TBL3: variants seen among roughly 807,000 people sequenced by gnomAD.
The protein encoded by TBL3 is transducin beta-like protein 3.
A neutral mutation model predicts 102.7 loss-of-function variants in TBL3; 71 were observed. That is an observed-to-expected ratio of 0.69 (90% CI 0.57 to 0.84). The LOEUF (loss-of-function observed/expected upper bound fraction) is 0.84, where lower values mean the gene tolerates loss of function less well. Among genes scored for constraint, TBL3 ranks in the 40% least tolerant of loss-of-function variants. TBL3 has a pLI of 0.00. For synonymous variants in TBL3, 578 were observed against 477.7 expected, an observed-to-expected ratio of 1.21 and a Z score of -2.74; for missense variants, 1,188 against 1,098.5, an observed-to-expected ratio of 1.08 and a Z score of -1.15.
intron 14 of TBL3, 38 bp downstream of exon 14, chr16:1,976,999 C>T: frequency 6.2e-7 from 1 of 1,612,746 alleles, no homozygotes; most frequent in Non-Finnish European, 8.5e-7. Flanking sequence ...TGTGGCCAAG[C>T]CCTTGCTGGG....
At position 1,981,234 on chromosome 16, in the gene TBL3, C is replaced by T. The variant is rs1374559339; in HGVS notation, c.*2549C>T. 9 of 1,609,990 alleles carry T rather than the reference C, an allele frequency of 5.6e-6. No homozygotes were observed. The East Asian group carries it at 1.3e-4, about 24-fold the overall frequency. The stretch of plus-strand genomic sequence containing the variant: ...AAATGGGCGAGGACCCTTCTGCCTC[C>T]CCGTGCTTGAGAGGGCTCTGGGGGA... On this transcript the variant is annotated 3_prime_UTR_variant, in exon 22 of 22. Transcript: ENST00000568546.
rs778269205 is a variant in TBL3 at position 1,975,072 on chromosome 16, C to T, written c.609C>T (p.Phe203=). 6.2e-7 allele frequency: 1 copy of T among 1,609,696 alleles called. No homozygotes were observed. Among genetic ancestry groups the T allele is most frequent in the Non-Finnish European group, 8.5e-7 (1 of 1,179,980 alleles). ...ACAGCGCCGTCACCTCACTGGCCTT[C>T]AGCGCCGACGGCCACACCATGCTCA... The part of the protein sequence containing the change: ...AHYSAVTSLA[F]SADGHTMLSS... The change falls in exon 7 of 22, where the codon TTC becomes TTT. Residue 203 remains phenylalanine (F), a synonymous_variant. Coordinates refer to ENST00000568546, the MANE Select transcript of TBL3 (RefSeq NM_006453.3).
chr16:1,979,053 C>T lies in TBL3; in HGVS notation c.*368C>T, dbSNP rs985841302. ...ATCCCCTCATCGGGATCCTCGCGCTCACTGCTCCGTCGTGGGGTGCGGCAC... is the reference window on the plus strand; with the variant it reads ...ATCCCCTCATCGGGATCCTCGCGCTTACTGCTCCGTCGTGGGGTGCGGCAC... On this transcript the variant is annotated 3_prime_UTR_variant, in exon 22 of 22. Coordinates refer to ENST00000568546, the MANE Select transcript of TBL3 (RefSeq NM_006453.3). 6.5e-6 allele frequency: 10 copies of T among 1,545,192 alleles called. No homozygotes were observed. The Admixed American group carries it at 7.8e-5, about 12-fold the overall frequency.
At position 1,981,078 on chromosome 16, in the gene TBL3, TCCCTTGGGG is replaced by T; in HGVS notation, c.*2396_*2404del. The T allele has an allele frequency of 6.2e-7, 1 of 1,610,378 alleles. No homozygotes were observed. The highest frequency in any genetic ancestry group is 8.5e-7 in the Non-Finnish European group (1 of 1,177,246). ...TGCTGGTCCAGGCACCCCCTTCCTA[TCCCTTGGGG>T]CCACTAAGGACCCAGCCAGGTCTTA... On this transcript the variant is annotated 3_prime_UTR_variant, in exon 22 of 22. Coordinates refer to ENST00000568546, the MANE Select transcript of TBL3 (RefSeq NM_006453.3).
intron 18 of TBL3, 50 bp downstream of exon 18, chr16:1,977,850 T>G: frequency 6.3e-7 from 1 of 1,576,868 alleles, no homozygotes; most frequent in Non-Finnish European, 8.6e-7. Flanking sequence ...TGCTCTGTGC[T>G]GTAGGGAAAA....
chr16:1,977,336 C>T lies in TBL3; in HGVS notation c.1672-20C>T. Reference sequence around the variant, plus strand: ...CTTCCCGCCCTGGTGACATCTCATGCCCTACCCCCCACCTTGCAGACATTT... The same window carrying T: ...CTTCCCGCCCTGGTGACATCTCATGTCCTACCCCCCACCTTGCAGACATTT... On this transcript the variant is annotated intron_variant, in intron 15 of 21. Transcript: ENST00000568546. 2 of 1,613,486 alleles carry T rather than the reference C, an allele frequency of 1.2e-6. No individual in the cohort carries two copies. Among genetic ancestry groups the T allele is most frequent in the Non-Finnish European group, 1.7e-6 (2 of 1,179,982 alleles).
Position 1,981,341 on chromosome 16 carries a change from T to C in TBL3, c.*2656T>C. On this transcript the variant is annotated 3_prime_UTR_variant, in exon 22 of 22. Coordinates refer to ENST00000568546, the MANE Select transcript of TBL3 (RefSeq NM_006453.3). ...GTGGAGCCGCCCCAGCTGAGTCCTT[T>C]GCAGCTTTCTTGCTGTCCCCCAAGC... The C allele has an allele frequency of 7.0e-7, 1 of 1,435,382 alleles. No homozygotes were observed. Among genetic ancestry groups the C allele is most frequent in the African/African-American group, 1.4e-5 (1 of 69,834 alleles). 88.9% of individuals were successfully genotyped at this position (1,435,382 alleles called of 1,614,324 possible). A position where few individuals can be genotyped will look rare whatever the true frequency, so the allele number is the denominator to read the frequency against.
chr16:1,972,499 C>T (rs894713768), intron 1 of TBL3, among the ~76,000 whole-genome samples: 27 of 152,198 alleles, frequency 1.8e-4, no homozygotes, highest in Admixed American at 1.5e-3. Context: ...GAGGAGAGGG[C>T]TGAGCCTAGG....
rs1416387834 is a variant in TBL3, at chr16:1,980,208, G to C, written c.*1523G>C. 6.3e-7 allele frequency: 1 copy of C among 1,576,214 alleles called. No individual in the cohort carries two copies. Among genetic ancestry groups the C allele is most frequent in the Non-Finnish European group, 8.6e-7 (1 of 1,163,174 alleles). ...TGGGAAGGGCAGCCCGTACGAGTGAGAGGTAGGCGGATGGGGAGGGTGAAA... is the reference window on the plus strand; with the variant it reads ...TGGGAAGGGCAGCCCGTACGAGTGACAGGTAGGCGGATGGGGAGGGTGAAA... On this transcript the variant is annotated 3_prime_UTR_variant, in exon 22 of 22. Transcript: ENST00000568546.
chr16:1,978,247 C>T (rs1412572134), intron 20 of TBL3, 27 bp downstream of exon 20: 8 of 1,612,458 alleles, frequency 5.0e-6, no homozygotes, highest in Non-Finnish European at 6.8e-6. Flanking sequence ...GGTGGGTGGC[C>T]CGGTGGGCAA....
intron 11 of TBL3, 47 bp downstream of exon 11, chr16:1,975,996 C>T: frequency 1.2e-6 from 2 of 1,614,090 alleles, no homozygotes; most frequent in Non-Finnish European, 8.5e-7. Flanking sequence ...GCCTCGGTCC[C>T]TTGCTTGCTT....
Position 1,975,713 on chromosome 16 carries a change from G to A in TBL3, c.987+3G>A, listed in dbSNP as rs747880498. 1.4e-5 allele frequency: 23 copies of A among 1,612,018 alleles called. 1 individual carries two copies. Among genetic ancestry groups the A allele is most frequent in the Middle Eastern group, 3.3e-4 (2 of 6,078 alleles). ...GCTCCCTGCGGCTGCAGAAACAGGT[G>A]CACACCTGCCCTTGCTCAGTCTGGA... On this transcript the variant is annotated splice_donor_region_variant and intron_variant, in intron 10 of 21. Coordinates refer to ENST00000568546, the MANE Select transcript of TBL3 (RefSeq NM_006453.3).
rs2083514779 is a variant in TBL3 at position 1,981,803 on chromosome 16, T to G, written c.*3118T>G. 2 of 153,468 alleles carry G rather than the reference T, an allele frequency of 1.3e-5. No individual in the cohort carries two copies. 9.5% of individuals were successfully genotyped at this position (153,468 alleles called of 1,614,324 possible). On this transcript the variant is annotated 3_prime_UTR_variant, in exon 22 of 22. Coordinates refer to ENST00000568546, the MANE Select transcript of TBL3 (RefSeq NM_006453.3). ...TAAATGCGTAATTATTGTGAGCTGT[T>G]CTATACATGCTGGGGGAGGGGCAGA...
chr16:1,976,043 C>T lies in TBL3; in HGVS notation c.1130-13C>T. 3 of 1,614,196 alleles carry T rather than the reference C, an allele frequency of 1.9e-6. No individual in the cohort carries two copies. The highest frequency in any genetic ancestry group is 1.1e-5 in the South Asian group (1 of 91,084). On this transcript the variant is annotated splice_polypyrimidine_tract_variant and intron_variant, in intron 11 of 21. Coordinates refer to ENST00000568546, the MANE Select transcript of TBL3 (RefSeq NM_006453.3). Reference sequence around the variant, plus strand: ...TCTTGCTGTGTGACCTATACCTCCCCACAACATCTCAGATATCGTCCTGGC... The same window carrying T: ...TCTTGCTGTGTGACCTATACCTCCCTACAACATCTCAGATATCGTCCTGGC...
chr16:1,979,924 G>A lies in TBL3; in HGVS notation c.*1239G>A, dbSNP rs761048956. 3 of 1,577,308 alleles carry A rather than the reference G, an allele frequency of 1.9e-6. No homozygotes were observed. Among genetic ancestry groups the A allele is most frequent in the Non-Finnish European group, 1.7e-6 (2 of 1,162,010 alleles). On this transcript the variant is annotated 3_prime_UTR_variant, in exon 22 of 22. Coordinates refer to ENST00000568546, the MANE Select transcript of TBL3 (RefSeq NM_006453.3). ...CCAGCCTGTGCGCAAGAAGCGGGCA[G>A]GGACTCAAATCTCGAGGCTCCCTCG...
At position 1,980,009 on chromosome 16, in the gene TBL3, G is replaced by A. The variant is rs1273049235; in HGVS notation, c.*1324G>A. On this transcript the variant is annotated 3_prime_UTR_variant, in exon 22 of 22. Transcript: ENST00000568546. ...TGGGGGGCCCTACCTGAGGGGTGCCGCAGCAGCACGTCCAGGCTCTCCTGG... is the reference window on the plus strand; with the variant it reads ...TGGGGGGCCCTACCTGAGGGGTGCCACAGCAGCACGTCCAGGCTCTCCTGG... The A allele has an allele frequency of 1.9e-6, 3 of 1,603,890 alleles. No individual in the cohort carries two copies. Among genetic ancestry groups the A allele is most frequent in the Non-Finnish European group, 2.5e-6 (3 of 1,176,508 alleles).
In TBL3 at chr16:1,979,488, G is replaced by T. The variant is rs781421197; in HGVS notation, c.*803G>T. On this transcript the variant is annotated 3_prime_UTR_variant, in exon 22 of 22. Coordinates refer to ENST00000568546, the MANE Select transcript of TBL3 (RefSeq NM_006453.3). Reference sequence around the variant, plus strand: ...GCGCACGCGCGCCCCCGCGGGCACGGACAGCTCATCTGCGCGGCTGCTCTC... The same window carrying T: ...GCGCACGCGCGCCCCCGCGGGCACGTACAGCTCATCTGCGCGGCTGCTCTC... 1 of 1,612,068 alleles carries T rather than the reference G, an allele frequency of 6.2e-7. No individual in the cohort carries two copies.
chr16:1,977,153 C>T lies in TBL3; in HGVS notation c.1540C>T (p.Leu514=), dbSNP rs560703371. 4 of 1,613,116 alleles carry T rather than the reference C, an allele frequency of 2.5e-6. No individual in the cohort carries two copies. In the African/African-American group the frequency reaches 5.3e-5, roughly 22 times the overall value. ...CTGGGCCCTGCCACAGTGCCAGCTG[C>T]TGGGTGTCTTCTCAGGCCACCGGCG... ...KLWALPQCQL[L]GVFSGHRRGL... Residue 514 remains leucine, a synonymous_variant, in exon 15 of 22, where the codon CTG becomes TTG. Coordinates refer to ENST00000568546, the MANE Select transcript of TBL3 (RefSeq NM_006453.3).
chr16:1,979,722 C>A lies in TBL3; in HGVS notation c.*1037C>A. ...CTCCTGGCCCGCCCTGCCCGCGGTG[C>A]TTCTGGCCCAGTCTTGCCACACGGT... On this transcript the variant is annotated 3_prime_UTR_variant, in exon 22 of 22. Transcript: ENST00000568546. 7.5e-7 allele frequency: 1 copy of A among 1,326,540 alleles called. No individual in the cohort carries two copies. Among genetic ancestry groups the A allele is most frequent in the South Asian group, 1.4e-5 (1 of 70,206 alleles). 82.2% of individuals were successfully genotyped at this position (1,326,540 alleles called of 1,614,324 possible).
Sources: gnomAD v4.1 joint callset for allele counts (sites outside exome capture counted in the v4.1 genomes callset) on GRCh38, gnomAD v4.1.1 for gene constraint, MANE v1.5 for transcripts, NCBI Gene and HGNC (gene_info 2026-07-23, HGNC 2026-07-21) for gene names.